The following TEP1 variants were observed in gnomAD, a reference collection of about 807,000 sequenced individuals.
TEP1 encodes telomerase protein component 1.
A neutral mutation model predicts 306.3 loss-of-function variants in TEP1; 241 were observed. That is an observed-to-expected ratio of 0.79 (90% CI 0.71 to 0.88). TEP1 has a LOEUF of 0.88. TEP1 is among the 40% of genes least tolerant of loss of function. The pLI is 0.00. For missense variants in TEP1, 3,051 were observed against 3,276.1 expected (o/e 0.93, Z 1.68); for synonymous variants, 1,289 against 1,305.5 (o/e 0.99, Z 0.27).
rs1885302992 is a variant in TEP1 at position 20,378,096 on chromosome 14, G to A, written c.5649C>T (p.His1883=). 1.2e-6 allele frequency: 2 copies of A among 1,613,802 alleles called. No individual in the cohort carries two copies. The highest frequency in any genetic ancestry group is 1.3e-5 in the African/African-American group (1 of 74,892). The part of the protein sequence containing the change: ...EGARLAAFPA[H]HGFVAAALFL... ...AAAGCGCAGCAGCAACAAAGCCATG[G>A]TGGGCAGGGAAGGCAGCCAGCCGTG... Residue 1883 remains histidine (H), a synonymous_variant, in exon 39 of 55, where the codon CAC becomes CAT. Transcript: ENST00000262715.
Position 20,377,359 on chromosome 14 carries a change from C to CT in TEP1, c.6008dup (p.Ser2004ValfsTer53). 1 of 1,614,168 alleles carries CT rather than the reference C, an allele frequency of 6.2e-7. No individual in the cohort carries two copies. The highest frequency in any genetic ancestry group is 1.1e-5 in the South Asian group (1 of 91,088). ...GGAATCTGGACAGGAGCCAGAGGGA[C>CT]TGAAGGGAGCATTCCTTGAGTGCCC... On this transcript the variant is annotated frameshift_variant, in exon 41 of 55. Coordinates refer to ENST00000262715, the MANE Select transcript of TEP1 (RefSeq NM_007110.5). LOFTEE classifies it high-confidence loss of function.
chr14:20,401,190 A>G, intron 8 of TEP1, 49 bp from the exon 9 acceptor site: 1 of 1,598,268 alleles, frequency 6.3e-7, no homozygotes, highest in Non-Finnish European at 8.5e-7. Context: ...CAGCAAGAAA[A>G]TAACTCAGAA....
intron 18 of TEP1, among the ~76,000 whole-genome samples, chr14:20,387,557 A>AAAAAAAAAAAAG (rs1332634976): frequency 6.6e-6 from 1 of 151,610 alleles, no homozygotes; most frequent in Non-Finnish European, 1.5e-5. Flanking sequence ...GTCTCAAAAA[A>AAAAAAAAAAAAG]AAAAAGAAAT....
chr14:20,386,745 G>T, intron 18 of TEP1, 122 bp from the exon 19 acceptor site: 1 of 1,111,308 alleles, frequency 9.0e-7, no homozygotes, highest in Non-Finnish European at 1.2e-6. Context: ...GCAGATGGGT[G>T]CCCAGCAGGC....
intron 1 of TEP1, among the ~76,000 whole-genome samples, chr14:20,411,517 C>A (rs1340678310): frequency 1.3e-5 from 2 of 152,190 alleles, no homozygotes; most frequent in Non-Finnish European, 2.9e-5. Context: ...TTTCACAACA[C>A]CCATATGTCC....
At chr14:20,371,963 C>T (rs552802098) in intron 49 of TEP1, among the ~76,000 whole-genome samples, 9 of 152,284 alleles carry the variant, frequency 5.9e-5, no homozygotes, top group African/African-American at 9.6e-5. Context: ...GCCCACATTA[C>T]GTCTTTCCTA....
chr14:20,383,509 C>G lies in TEP1; in HGVS notation c.3846G>C (p.Trp1282Cys), dbSNP rs1876786435. 4 of 1,614,228 alleles carry G rather than the reference C, an allele frequency of 2.5e-6. No homozygotes were observed. The highest frequency in any genetic ancestry group is 3.4e-6 in the Non-Finnish European group (4 of 1,180,032). Residue 1282 changes from tryptophan (W) to cysteine (C), a missense_variant, in exon 26 of 55, where the codon TGG becomes TGC. Physicochemically the swap from Trp to Cys is radical, Grantham distance 215. Around this residue, in one of 3 missense-constraint regions of TEP1, gnomAD observed 1,540 missense variants for 1,705.9 expected, o/e 0.90. Coordinates refer to ENST00000262715, the MANE Select transcript of TEP1 (RefSeq NM_007110.5). ...TCACCCGGGGAAGCTTCTTTGGGAT[C>G]CAGTCTGAAATCAGCTGCCCATTCT... ...VDQNGQLISD[W>C]IPKKLPRCVH...
In TEP1 at chr14:20,374,489, T is replaced by C. The variant is rs2139013685; in HGVS notation, c.6411A>G (p.Ser2137=). ...CCAGGAACTGACCAAGCCGCTGTCC[T>C]GACTCTGGGTCCCAGAGCCCCACAG... ...DGSVGLWDPE[S]GQRLGQFLGH... is the part of the protein sequence containing the mutation. The change falls in exon 44 of 55, where the codon TCA becomes TCG. Residue 2137 remains serine, a synonymous_variant. Transcript: ENST00000262715. 1 of 1,613,642 alleles carries C rather than the reference T, an allele frequency of 6.2e-7. No individual in the cohort carries two copies. The highest frequency in any genetic ancestry group is 8.5e-7 in the Non-Finnish European group (1 of 1,179,962).
chr14:20,402,656 C>T (rs1269462453), intron 7 of TEP1, among the ~76,000 whole-genome samples: 1 of 152,156 alleles, frequency 6.6e-6, no homozygotes, highest in Non-Finnish European at 1.5e-5. Context: ...TGACCAATGT[C>T]TCATAGCCAG....
chr14:20,398,020 T>A (rs1878344562), intron 9 of TEP1, among the ~76,000 whole-genome samples: 1 of 151,934 alleles, frequency 6.6e-6, no homozygotes. Flanking sequence ...CCCAAATTGC[T>A]GGGATTACAG....
intron 1 of TEP1, among the ~76,000 whole-genome samples, chr14:20,410,125 G>A (rs1594382488): frequency 6.6e-6 from 1 of 150,780 alleles, no homozygotes. Context: ...GCATTGCCTG[G>A]CACTAAGTGT....
At chr14:20,413,217 A>C (rs529570419) in intron 1 of TEP1, among the ~76,000 whole-genome samples, 188 bp downstream of exon 1, 1 of 151,178 alleles carries the variant, frequency 6.6e-6, no homozygotes, top group South Asian at 2.1e-4. Flanking sequence ...CCCTTCCCGG[A>C]GCCGCCGGGA....
chr14:20,384,533 G>C (rs1379975979), intron 22 of TEP1, 25 bp from the exon 23 acceptor site: 1 of 1,613,848 alleles, frequency 6.2e-7, no homozygotes, highest in Non-Finnish European at 8.5e-7. Flanking sequence ...AGCACAACCA[G>C]GTCAGAGCAG....
Position 20,401,096 on chromosome 14 carries a change from C to A in TEP1, c.1437G>T (p.Gly479=). The change falls in exon 9 of 55, where the codon GGG becomes GGT. Residue 479 remains glycine, a synonymous_variant. Coordinates refer to ENST00000262715, the MANE Select transcript of TEP1 (RefSeq NM_007110.5). ...LQLFSRSRLP[G]PWDSSRAGKR... Reference sequence around the variant, plus strand: ...TCCCAGCTCTGCTAGAATCCCAAGGCCCAGGAAGGCGACTTCGAGAAAAGA... The same window carrying A: ...TCCCAGCTCTGCTAGAATCCCAAGGACCAGGAAGGCGACTTCGAGAAAAGA... 6.2e-7 allele frequency: 1 copy of A among 1,614,096 alleles called. No homozygotes were observed. Among genetic ancestry groups the A allele is most frequent in the Admixed American group, 1.7e-5 (1 of 59,996 alleles).
At chr14:20,390,073 A>C (rs540094945) in intron 15 of TEP1, among the ~76,000 whole-genome samples, 3 of 152,258 alleles carry the variant, frequency 2.0e-5, no homozygotes, top group Admixed American at 2.0e-4. Flanking sequence ...GTTATATTTA[A>C]AACAAATGTG....
intron 38 of TEP1, 70 bp downstream of exon 38, chr14:20,378,310 G>A: frequency 6.2e-7 from 1 of 1,611,546 alleles, no homozygotes; most frequent in East Asian, 2.2e-5. Flanking sequence ...GAATGCTGCT[G>A]TCTGTCGTCT....
chr14:20,387,198 T>G (rs1877253387), intron 18 of TEP1, among the ~76,000 whole-genome samples: 1 of 146,424 alleles, frequency 6.8e-6, no homozygotes, highest in South Asian at 2.2e-4. Flanking sequence ...CCTCCCAAAG[T>G]GCTGGGATTA....
rs370043327 is a variant in TEP1 at position 20,373,816 on chromosome 14, C to T, written c.6472-6G>A. 1 of 1,612,288 alleles carries T rather than the reference C, an allele frequency of 6.2e-7. No homozygotes were observed. Among genetic ancestry groups the T allele is most frequent in the Middle Eastern group, 2.0e-4 (1 of 5,106 alleles). ...ACAGACACCACGTGCTCCTCCTGCC[C>T]ACAGAGCACAAGATCAGAGCAGAGT... On this transcript the variant is annotated splice_polypyrimidine_tract_variant and splice_region_variant and intron_variant, in intron 44 of 54. Transcript: ENST00000262715.
rs753467724 is a variant in TEP1, at chr14:20,382,320, G to A, written c.4177C>T (p.Pro1393Ser). Reference protein sequence around the residue: ...ERLRTLPATVPLLLQHILSTL... With the variant: ...ERLRTLPATVSLLLQHILSTL... ...CTCAGGATGTGCTGCAGCAGCAGGG[G>A]GACAGTGGCAGGCAGGGTCCGGAGT... is the stretch of plus-strand genomic sequence containing the variant. The change falls in exon 29 of 55, where the codon CCC becomes TCC. Residue 1393 changes from proline to serine, a missense_variant. By Grantham distance (74) the Pro-to-Ser change is moderately conservative (BLOSUM62 -1). Coordinates refer to ENST00000262715, the MANE Select transcript of TEP1 (RefSeq NM_007110.5). The A allele has an allele frequency of 3.1e-6, 5 of 1,613,518 alleles. No homozygotes were observed. The highest frequency in any genetic ancestry group is 3.4e-6 in the Non-Finnish European group (4 of 1,179,686).
Sources: allele counts gnomAD v4.1 joint callset (sites outside exome capture counted in the v4.1 genomes callset), GRCh38; gene constraint gnomAD v4.1.1; regional missense constraint gnomAD v4.1.1; transcripts MANE v1.5; gene names NCBI Gene and HGNC (gene_info 2026-07-23, HGNC 2026-07-21).